The following BPIFB2 variants were observed in gnomAD, a reference collection of about 807,000 sequenced individuals.
BPIFB2 encodes BPI fold-containing family B member 2.
In BPIFB2, 39 loss-of-function variants were observed where a neutral mutation model predicts 50.1. The observed-to-expected ratio is 0.78, with a 90% CI of 0.60 to 1.02. The LOEUF is 1.02. BPIFB2 is among the 50% of genes least tolerant of loss of function. The pLI, the probability that BPIFB2 is intolerant of heterozygous loss-of-function variation, is 0.00. For synonymous variants in BPIFB2, 280 were observed against 256.3 expected (o/e 1.09, Z -0.88); for missense variants, 574 against 585.8 (o/e 0.98, Z 0.21).
At chr20:33,016,500 C>T (rs866714018) in intron 6 of BPIFB2, among the ~76,000 whole-genome samples, 1 of 152,200 alleles carries the variant, frequency 6.6e-6, no homozygotes, top group Non-Finnish European at 1.5e-5. Context: ...GTTAAGGCTG[C>T]GAGTGCCCCT....
intron 10 of BPIFB2, 25 bp from the exon 11 acceptor site, chr20:33,019,555 G>A (rs1978574732): frequency 1.3e-6 from 2 of 1,558,506 alleles, no homozygotes; most frequent in Non-Finnish European, 1.7e-6. Flanking sequence ...CCTCAGCAGG[G>A]CCTCCTCCGC....
intron 4 of BPIFB2, 50 bp downstream of exon 4, chr20:33,012,957 G>A (rs183580046): frequency 3.6e-5 from 54 of 1,493,748 alleles, no homozygotes; most frequent in Non-Finnish European, 5.0e-5. Flanking sequence ...GGGATGCTCC[G>A]AGGGATACAG....
At chr20:33,016,124 C>T (rs1171243121) in intron 6 of BPIFB2, among the ~76,000 whole-genome samples, 2 of 152,066 alleles carry the variant, frequency 1.3e-5, no homozygotes, top group Non-Finnish European at 2.9e-5. Context: ...CTCATTTTCT[C>T]TCTGCCCTAT....
intron 14 of BPIFB2, 73 bp downstream of exon 14, chr20:33,021,417 C>T (rs929258788): frequency 1.0e-5 from 15 of 1,488,290 alleles, no homozygotes; most frequent in Non-Finnish European, 1.3e-5. Context: ...GGTGCTCAAT[C>T]CCAGCCCCCT....
intron 3 of BPIFB2, 29 bp downstream of exon 3, chr20:33,011,146 GCTCCTGC>G (rs752076776): frequency 1.6e-5 from 26 of 1,599,922 alleles, no homozygotes; most frequent in Non-Finnish European, 2.1e-5. Flanking sequence ...CAGAGAAGGT[GCTCCTGC>G]CACCAAGTGG....
chr20:33,015,862 G>A lies in BPIFB2; in HGVS notation c.516+366G>A, dbSNP rs924307264. 6.1e-4 allele frequency among the ~76,000 whole-genome samples: 93 copies of A among 152,192 alleles called. 1 individual carries two copies. The highest frequency in any genetic ancestry group is 1.2e-3 in the African/African-American group (48 of 41,516). Reference sequence around the variant, plus strand: ...GCATGGGGCCACCTGTGGCCTGGACGGGTCCTGGTCCTTTCCAGATGTGCA... The same window carrying A: ...GCATGGGGCCACCTGTGGCCTGGACAGGTCCTGGTCCTTTCCAGATGTGCA... On this transcript the variant is annotated intron_variant, in intron 6 of 15. Coordinates refer to ENST00000170150, the MANE Select transcript of BPIFB2 (RefSeq NM_025227.3).
intron 7 of BPIFB2, among the ~76,000 whole-genome samples, chr20:33,017,495 T>C (rs1028660356): frequency 6.6e-6 from 1 of 152,234 alleles, no homozygotes; most frequent in African/African-American, 2.4e-5. Flanking sequence ...ATCACAGGCA[T>C]GAGCCACCAC....
intron 3 of BPIFB2, among the ~76,000 whole-genome samples, chr20:33,012,146 G>A (rs908538421): frequency 2.0e-5 from 3 of 152,160 alleles, no homozygotes; most frequent in Non-Finnish European, 4.4e-5. Flanking sequence ...GTTAATAAAG[G>A]TGGAGAACTG....
At chr20:33,021,242 G>A (rs373606371) in intron 13 of BPIFB2, 39 bp from the exon 14 acceptor site, 45 of 1,607,024 alleles carry the variant, frequency 2.8e-5, no homozygotes, top group East Asian at 1.1e-4. Context: ...CTGGCCCCTC[G>A]GCTGGGACGG....
At chr20:33,018,553 C>A in intron 8 of BPIFB2, 84 bp from the exon 9 acceptor site, 1 of 1,451,324 alleles carries the variant, frequency 6.9e-7, no homozygotes, top group South Asian at 1.3e-5. Flanking sequence ...GGAGTGGCAT[C>A]TAGGAGTCCA....
intron 6 of BPIFB2, among the ~76,000 whole-genome samples, chr20:33,016,274 G>A (rs1978426832): frequency 6.6e-6 from 1 of 152,160 alleles, no homozygotes; most frequent in Admixed American, 6.5e-5. Flanking sequence ...AGGGGTGAAG[G>A]TGGGGCAGCT....
At chr20:33,020,242 G>A (rs1978609252) in intron 11 of BPIFB2, 86 bp from the exon 12 acceptor site, 2 of 1,317,794 alleles carry the variant, frequency 1.5e-6, no homozygotes, top group South Asian at 1.3e-5. Context: ...CTGCCTGAAT[G>A]AGTCGGGGGA....
intron 5 of BPIFB2, 57 bp from the exon 6 acceptor site, chr20:33,015,375 CTGAG>C: frequency 6.8e-7 from 1 of 1,480,662 alleles, no homozygotes; most frequent in Non-Finnish European, 9.3e-7. Context: ...TGCGACTGTG[CTGAG>C]TGACGGGACT....
At position 33,020,383 on chromosome 20, in the gene BPIFB2, C is replaced by T. The variant is rs767105839; in HGVS notation, c.1136C>T (p.Thr379Met). The T allele has an allele frequency of 5.0e-6, 8 of 1,614,004 alleles. No homozygotes were observed. Among genetic ancestry groups the T allele is most frequent in the South Asian group, 2.2e-5 (2 of 91,086 alleles). ...TCCAAGGTGAAGCTTCAGGGGACCA[C>T]GTCTGTGCTGGGGTAAACGAGCCCA... Reference protein sequence around the residue: ...SVSKVKLQGTTSVLGDVQLTV... With the variant: ...SVSKVKLQGTMSVLGDVQLTV... Residue 379 changes from threonine (T) to methionine (M), a missense_variant, in exon 12 of 16, where the codon ACG (threonine) becomes ATG (methionine). Transcript: ENST00000170150.
intron 3 of BPIFB2, 116 bp downstream of exon 3, chr20:33,011,233 C>G (rs528587857): frequency 3.4e-5 from 33 of 956,978 alleles, no homozygotes; most frequent in Non-Finnish European, 4.9e-5. Context: ...GGCAGATGCT[C>G]CTATCCACGG....
Position 33,008,561 on chromosome 20 carries a change from C to A in BPIFB2, c.-14C>A. ...CCCAGCCCACAGATCCTGTGGGCAG[C>A]GGCCAGGGCAGCCATGGCTTGGGCA... On this transcript the variant is annotated 5_prime_UTR_variant, in exon 2 of 16. Transcript: ENST00000170150. The A allele has an allele frequency of 6.4e-7, 1 of 1,566,596 alleles. No individual in the cohort carries two copies. The highest frequency in any genetic ancestry group is 1.2e-5 in the South Asian group (1 of 84,560).
At chr20:33,013,700 T>C (rs900991376) in intron 4 of BPIFB2, 110 bp from the exon 5 acceptor site, 1 of 1,463,884 alleles carries the variant, frequency 6.8e-7, no homozygotes, top group African/African-American at 1.4e-5. Flanking sequence ...GGGGCCTGCC[T>C]GGGCCAAGTG....
chr20:33,019,896 T>C, intron 11 of BPIFB2, 146 bp downstream of exon 11: 2 of 1,127,726 alleles, frequency 1.8e-6, no homozygotes, highest in Non-Finnish European at 2.4e-6. Flanking sequence ...CCAGGACCTT[T>C]GCATGTGCTG....
intron 13 of BPIFB2, 84 bp downstream of exon 13, chr20:33,020,671 G>A (rs1446249915): frequency 7.0e-7 from 1 of 1,436,418 alleles, no homozygotes; most frequent in African/African-American, 1.4e-5. Context: ...CTGTGTACAT[G>A]TGCTGACCCG....
Sources: gnomAD v4.1 joint callset for allele counts (sites outside exome capture counted in the v4.1 genomes callset) on GRCh38, gnomAD v4.1.1 for gene constraint, MANE v1.5 for transcripts, NCBI Gene and HGNC (gene_info 2026-07-23, HGNC 2026-07-21) for gene names.